Variants in C10orf143 observed in about 807,000 individuals in gnomAD.
The protein encoded by C10orf143 is uncharacterized protein C10orf143.
chr10:130,092,693 C>T (rs556398697), intron 1 of C10orf143, among the ~76,000 whole-genome samples: 1 of 152,202 alleles, frequency 6.6e-6, no homozygotes, highest in African/African-American at 2.4e-5. Context: ...CAAAGACACA[C>T]ATAGGCTCAA....
At chr10:130,053,788 C>T (rs1860766277) in intron 3 of C10orf143, among the ~76,000 whole-genome samples, 1 of 152,222 alleles carries the variant, frequency 6.6e-6, no homozygotes, top group Non-Finnish European at 1.5e-5. Flanking sequence ...GAAGCTTTGT[C>T]AGAGTCTCCT....
Position 130,046,235 on chromosome 10 carries a change from C to T in C10orf143, c.298-10265G>A, listed in dbSNP as rs563710060. On this transcript the variant is annotated intron_variant and NMD_transcript_variant, in intron 3 of 5. Transcript: ENST00000643056. ...GTGGGGTGGAGCGGGTGGGGCGAGGCTCGGCGTGGGACACGAGGGACGGGA... is the reference window on the plus strand; with the variant it reads ...GTGGGGTGGAGCGGGTGGGGCGAGGTTCGGCGTGGGACACGAGGGACGGGA... 7.2e-5 allele frequency among the ~76,000 whole-genome samples: 11 copies of T among 151,858 alleles called. No homozygotes were observed. The South Asian group carries it at 2.3e-3, about 32-fold the overall frequency.
chr10:130,043,375 A>G (rs1463053825), intron 3 of C10orf143, among the ~76,000 whole-genome samples: 2 of 152,222 alleles, frequency 1.3e-5, no homozygotes, highest in Non-Finnish European at 2.9e-5. Flanking sequence ...CAAATCTAAC[A>G]GTCCTCCTAA....
chr10:130,084,719 C>G (rs1042505733), intron 1 of C10orf143, among the ~76,000 whole-genome samples: 4 of 152,078 alleles, frequency 2.6e-5, no homozygotes, highest in African/African-American at 7.2e-5. Flanking sequence ...CAGTGGCATC[C>G]TAGTAGCAAG....
At chr10:130,081,209 A>T (rs1302139384) in intron 1 of C10orf143, among the ~76,000 whole-genome samples, 2 of 152,252 alleles carry the variant, frequency 1.3e-5, no homozygotes, top group African/African-American at 4.8e-5. Flanking sequence ...ACATAAGCCC[A>T]AAGTGTTAAA....
intron 3 of C10orf143, among the ~76,000 whole-genome samples, chr10:130,074,620 G>A (rs916448006): frequency 6.6e-6 from 1 of 152,178 alleles, no homozygotes; most frequent in Non-Finnish European, 1.5e-5. Flanking sequence ...CACCAGAGGA[G>A]GGCAGAGATC....
intron 3 of C10orf143, among the ~76,000 whole-genome samples, chr10:130,039,501 C>T (rs886142050): frequency 3.3e-5 from 5 of 152,184 alleles, no homozygotes; most frequent in African/African-American, 1.2e-4. Context: ...TCCTGTTCTA[C>T]TCAGCCCTCG....
chr10:130,046,686 C>T (rs7909210), intron 3 of C10orf143, among the ~76,000 whole-genome samples: 56,168 of 152,162 alleles, frequency 0.37, 10,605 homozygotes, highest in Middle Eastern at 0.48. Flanking sequence ...CTGCCGTCTC[C>T]GCGCTGCGGG....
intron 3 of C10orf143, among the ~76,000 whole-genome samples, chr10:130,041,553 T>C: frequency 6.6e-6 from 1 of 152,266 alleles, no homozygotes; most frequent in Non-Finnish European, 1.5e-5. Flanking sequence ...AGTAAAATGA[T>C]ATATCATAAA....
intron 3 of C10orf143, among the ~76,000 whole-genome samples, chr10:130,077,937 G>A (rs927146165): frequency 2.6e-5 from 4 of 152,162 alleles, no homozygotes; most frequent in African/African-American, 7.2e-5. Context: ...AAGCCTGGGT[G>A]AAATTTTATT....
chr10:130,092,006 G>C (rs995583200), intron 1 of C10orf143, among the ~76,000 whole-genome samples: 1 of 152,186 alleles, frequency 6.6e-6, no homozygotes, highest in Non-Finnish European at 1.5e-5. Context: ...ATATTATCCA[G>C]AAAAACTTAC....
intron 3 of C10orf143, among the ~76,000 whole-genome samples, chr10:130,057,599 G>C (rs1285133273): frequency 6.6e-6 from 1 of 151,968 alleles, no homozygotes; most frequent in African/African-American, 2.4e-5. Flanking sequence ...GAGAAGATGA[G>C]GTCTGAGACA....
chr10:130,050,323 A>AGAAG (rs1860722473), intron 3 of C10orf143, among the ~76,000 whole-genome samples: 1 of 152,384 alleles, frequency 6.6e-6, no homozygotes, highest in East Asian at 1.9e-4. Flanking sequence ...CAATCCCAGC[A>AGAAG]CTTTGGGAAG....
chr10:130,059,727 A>G (rs1159466283), downstream of C10orf143, among the ~76,000 whole-genome samples: 1 of 152,158 alleles, frequency 6.6e-6, no homozygotes, highest in Non-Finnish European at 1.5e-5. Context: ...AGTGGAGGGG[A>G]AAGAGAGAGA....
chr10:130,082,558 A>AG (rs1315655082), intron 1 of C10orf143, among the ~76,000 whole-genome samples: 1 of 152,172 alleles, frequency 6.6e-6, no homozygotes, highest in Non-Finnish European at 1.5e-5. Context: ...ATGTTTTATA[A>AG]GGGGCTTCCC....
intron 1 of C10orf143, among the ~76,000 whole-genome samples, chr10:130,095,495 A>G (rs1050566361): frequency 2.0e-5 from 3 of 152,230 alleles, no homozygotes; most frequent in African/African-American, 7.2e-5. Flanking sequence ...GACAATCCTA[A>G]GCAAAAAGAA....
rs575028136 is a variant in C10orf143, at chr10:130,076,930, A to G, written c.297+2636T>C. 2.6e-5 allele frequency among the ~76,000 whole-genome samples: 4 copies of G among 152,298 alleles called. No homozygotes were observed. The East Asian group carries it at 7.8e-4, about 30-fold the overall frequency. ...CAGACAGCACATGACAGGGAGAGCA[A>G]GCAGCCCGACCCTGGGCAGGAGCGG... On this transcript the variant is annotated intron_variant, in intron 3 of 3. Coordinates refer to ENST00000637128, the MANE Select transcript of C10orf143 (RefSeq NM_001355042.2).
intron 1 of C10orf143, among the ~76,000 whole-genome samples, chr10:130,091,341 A>G (rs1347829539): frequency 6.6e-6 from 1 of 152,210 alleles, no homozygotes; most frequent in Non-Finnish European, 1.5e-5. Flanking sequence ...TGACTCTTAG[A>G]AGGAAAACTA....
At chr10:130,067,396 C>G (rs1860954489) in intron 3 of C10orf143, 1 of 152,252 alleles carries the variant, frequency 6.6e-6, no homozygotes, top group South Asian at 2.1e-4. Flanking sequence ...TCCCTGTGGA[C>G]TGGGGGAGGA....
Sources: allele counts gnomAD v4.1 joint callset (sites outside exome capture counted in the v4.1 genomes callset), GRCh38; gene constraint gnomAD v4.1.1; transcripts MANE v1.5; gene names NCBI Gene and HGNC (gene_info 2026-07-23, HGNC 2026-07-21).